Variants in DOP1A observed in about 807,000 individuals in gnomAD.
DOP1A encodes DOP1 leucine zipper like protein A, also known as protein DOP1A.
In DOP1A, 90 loss-of-function variants were observed where a neutral mutation model predicts 267.6. That is an observed-to-expected ratio of 0.34 (90% CI 0.28 to 0.40). The LOEUF is 0.40. DOP1A is among the 10% of genes least tolerant of loss of function. The pLI, the probability that DOP1A is intolerant of heterozygous loss-of-function variation, is 1.00. For missense variants in DOP1A, 2,437 were observed against 2,900.4 expected, an observed-to-expected ratio of 0.84 and a Z score of 3.67; for synonymous variants, 932 against 999.1, an observed-to-expected ratio of 0.93 and a Z score of 1.27.
At chr6:83,166,443 G>A (rs1198975092) in intron 38 of DOP1A, 3 of 701,754 alleles carry the variant, frequency 4.3e-6, no homozygotes, top group Admixed American at 2.0e-5. Context: ...TTGATGTTGT[G>A]TGTTGTCTCT....
At position 83,139,072 on chromosome 6, in the gene DOP1A, G is replaced by C. The variant is rs1333434193; in HGVS notation, c.5030G>C (p.Arg1677Thr). 6.2e-7 allele frequency: 1 copy of C among 1,614,058 alleles called. No individual in the cohort carries two copies. The highest frequency in any genetic ancestry group is 2.2e-5 in the East Asian group (1 of 44,882). Residue 1677 changes from arginine (R) to threonine (T), a missense_variant, in exon 21 of 39, where the codon AGA becomes ACA. Around this residue, in one of 9 missense-constraint regions of DOP1A, gnomAD observed 307 missense variants for 308.6 expected, o/e 0.99. Transcript: ENST00000349129. ...TLPYMGKVLQ[R>T]VVVSVTLQLC... Reference sequence around the variant, plus strand: ...CCTTACATGGGAAAAGTTCTGCAGAGAGTGGTTGTTTCTGTGACACTACAA... The same window carrying C: ...CCTTACATGGGAAAAGTTCTGCAGACAGTGGTTGTTTCTGTGACACTACAA...
chr6:83,102,820 T>A (rs1475715404), intron 4 of DOP1A, among the ~76,000 whole-genome samples: 1 of 152,254 alleles, frequency 6.6e-6, no homozygotes, highest in Non-Finnish European at 1.5e-5. Context: ...TGAAGTACTC[T>A]GACCCTGGCT....
downstream of DOP1A, chr6:83,169,360 CAT>C: frequency 6.2e-7 from 1 of 1,610,704 alleles, no homozygotes; most frequent in Non-Finnish European, 8.5e-7. Context: ...ATGAGAAAGA[CAT>C]AGCATGTGTC....
In DOP1A at chr6:83,158,291, A is replaced by G. The variant is rs139387528; in HGVS notation, c.6742-276A>G. On this transcript the variant is annotated intron_variant, in intron 35 of 38. Coordinates refer to ENST00000349129, the MANE Select transcript of DOP1A (RefSeq NM_015018.4). ...GCTGGGATTACAGGTGTGAGCCACC[A>G]CACCAGACCTATTTTTCCTTTTTTA... Among the ~76,000 whole-genome samples the G allele has an allele frequency of 1.2e-4, 18 of 152,158 alleles. No homozygotes were observed. In the South Asian group the frequency reaches 1.2e-3, roughly 11 times the overall value.
At chr6:83,164,073 G>A (rs1562391337) in intron 38 of DOP1A, among the ~76,000 whole-genome samples, 1 of 148,180 alleles carries the variant, frequency 6.7e-6, no homozygotes, top group Non-Finnish European at 1.5e-5. Context: ...TACAATTTGG[G>A]AGTGATCTAG....
In DOP1A at chr6:83,132,785, C is replaced by G. The variant is rs1014435600; in HGVS notation, c.2769+457C>G. Among the ~76,000 whole-genome samples, 4 of 151,906 alleles carry G rather than the reference C, an allele frequency of 2.6e-5. No individual in the cohort carries two copies. In the East Asian group the frequency reaches 7.7e-4, roughly 29 times the overall value. ...TATTTGTATTATTATACTGCATATC[C>G]AAAATAAGAATTTTGTATCCTAATG... On this transcript the variant is annotated intron_variant, in intron 18 of 38. Coordinates refer to ENST00000349129, the MANE Select transcript of DOP1A (RefSeq NM_015018.4).
At chr6:83,145,176 T>C in intron 24 of DOP1A, among the ~76,000 whole-genome samples, 1 of 79,842 alleles carries the variant, frequency 1.3e-5, no homozygotes. Context: ...TATATATATT[T>C]AAAAGTATAT....
chr6:83,151,680 T>C (rs1418860010), intron 28 of DOP1A, 21 bp downstream of exon 28: 1 of 1,582,134 alleles, frequency 6.3e-7, no homozygotes, highest in Admixed American at 2.0e-5. Flanking sequence ...CTAAGAGCTG[T>C]TGCCAAAACT....
chr6:83,133,253 A>G (rs1227593239), intron 18 of DOP1A, among the ~76,000 whole-genome samples: 1 of 152,178 alleles, frequency 6.6e-6, no homozygotes, highest in Non-Finnish European at 1.5e-5. Context: ...GGACAAATAT[A>G]TGCCTGTTTT....
rs752248732 is a variant in DOP1A at position 83,135,612 on chromosome 6, AT to A, written c.2871-3del. 6.2e-7 allele frequency: 1 copy of A among 1,606,034 alleles called. No homozygotes were observed. The highest frequency in any genetic ancestry group is 1.1e-5 in the South Asian group (1 of 90,184). On this transcript the variant is annotated splice_polypyrimidine_tract_variant and splice_region_variant and intron_variant, in intron 19 of 38. Transcript: ENST00000349129. ...TTCTTTATTTTAATTATTTGTGTTT[AT>A]TTTAGGTCACTGTTCATCATGTTAG...
chr6:83,135,561 A>G, intron 19 of DOP1A, 58 bp from the exon 20 acceptor site: 1 of 1,498,242 alleles, frequency 6.7e-7, no homozygotes, highest in Non-Finnish European at 9.0e-7. Flanking sequence ...AATTTTATAA[A>G]AGAGTGTGAC....
Position 83,137,513 on chromosome 6 carries a change from A to G in DOP1A, c.3471A>G (p.Ile1157Met). The G allele has an allele frequency of 1.9e-6, 3 of 1,613,828 alleles. No homozygotes were observed. Among genetic ancestry groups the G allele is most frequent in the Non-Finnish European group, 2.5e-6 (3 of 1,179,844 alleles). Residue 1157 changes from isoleucine to methionine, a missense_variant, in exon 21 of 39, where the codon ATA becomes ATG. Transcript: ENST00000349129. ...TTCAACAGGTAGTATTTGACCTGAT[A>G]TGTAAAGTTGTAAGTGGCCTCGAAG... is the stretch of plus-strand genomic sequence containing the variant. ...DDVQQVVFDL[I>M]CKVVSGLEVE...
intron 1 of DOP1A, among the ~76,000 whole-genome samples, chr6:83,075,560 A>G (rs1306862995): frequency 6.6e-6 from 1 of 152,228 alleles, no homozygotes; most frequent in Non-Finnish European, 1.5e-5. Flanking sequence ...AACAGAAGGA[A>G]TAAAAGGGTG....
intron 3 of DOP1A, among the ~76,000 whole-genome samples, chr6:83,100,240 C>T (rs900481693): frequency 6.6e-6 from 1 of 152,122 alleles, no homozygotes; most frequent in Non-Finnish European, 1.5e-5. Flanking sequence ...GAATTACTTG[C>T]TGTAATTTGA....
chr6:83,130,224 A>G lies in DOP1A; in HGVS notation c.2443A>G (p.Met815Val). 6.2e-7 allele frequency: 1 copy of G among 1,614,048 alleles called. No individual in the cohort carries two copies. The highest frequency in any genetic ancestry group is 1.7e-5 in the Admixed American group (1 of 60,016). Residue 815 changes from methionine to valine, a missense_variant, in exon 17 of 39, where the codon ATG (methionine) becomes GTG (valine). Physicochemically the swap from Met to Val is conservative, Grantham distance 21. Transcript: ENST00000349129. ...TCAGAGTGTTGCTATTTCACTAGTT[A>G]TGGACCTGGTGGGACTGACACAGTC... is the stretch of plus-strand genomic sequence containing the variant. The part of the protein sequence containing the change: ...SVQSVAISLV[M>V]DLVGLTQSVA...
At chr6:83,120,297 A>C (rs2128213553) in intron 9 of DOP1A, among the ~76,000 whole-genome samples, 1 of 152,096 alleles carries the variant, frequency 6.6e-6, no homozygotes, top group South Asian at 2.1e-4. Context: ...TGAGGTTATA[A>C]GAATATAGTT....
At chr6:83,144,143 T>C (rs1037289835) in intron 24 of DOP1A, among the ~76,000 whole-genome samples, 1 of 152,172 alleles carries the variant, frequency 6.6e-6, no homozygotes, top group African/African-American at 2.4e-5. Flanking sequence ...AGTTCACTTT[T>C]TCTTGGCTAC....
intron 1 of DOP1A, among the ~76,000 whole-genome samples, chr6:83,092,659 T>C (rs910517509): frequency 2.0e-5 from 3 of 149,444 alleles, no homozygotes; most frequent in Admixed American, 6.8e-5. Flanking sequence ...TTTTTTTTTC[T>C]ATACATATAT....
At chr6:83,163,544 ATATG>A (rs1221003117) in intron 38 of DOP1A, among the ~76,000 whole-genome samples, 1 of 152,224 alleles carries the variant, frequency 6.6e-6, no homozygotes, top group Non-Finnish European at 1.5e-5. Flanking sequence ...AATAAAATAT[ATATG>A]CTAAAATTCA....
Sources: allele counts gnomAD v4.1 joint callset (sites outside exome capture counted in the v4.1 genomes callset), GRCh38; gene constraint gnomAD v4.1.1; regional missense constraint gnomAD v4.1.1; transcripts MANE v1.5; gene names NCBI Gene and HGNC (gene_info 2026-07-23, HGNC 2026-07-21).